CYP19A1: variants seen among roughly 807,000 people sequenced by gnomAD.
The protein encoded by CYP19A1 is cytochrome P450 family 19 subfamily A member 1.
CYP19A1 carries 32 observed loss-of-function variants against 44.4 expected under a neutral mutation model. The ratio of observed to expected loss-of-function variants is 0.72; its 90% CI spans 0.54 to 0.97. The LOEUF (loss-of-function observed/expected upper bound fraction) is 0.97, where lower values mean the gene tolerates loss of function less well. CYP19A1 is among the 50% of genes least tolerant of loss of function. CYP19A1 has a pLI of 0.00. For synonymous variants in CYP19A1, 212 were observed against 215.6 expected (o/e 0.98, Z 0.14); for missense variants, 598 against 637.8 (o/e 0.94, Z 0.67).
chr15:51,240,290 A>C (rs918522397), intron 2 of CYP19A1, among the ~76,000 whole-genome samples: 1 of 152,106 alleles, frequency 6.6e-6, no homozygotes, highest in Non-Finnish European at 1.5e-5. Context: ...CGGCTAGAAG[A>C]AGCTTAGATA....
intron 1 of CYP19A1, among the ~76,000 whole-genome samples, chr15:51,294,998 G>A (rs1355414489): frequency 1.5e-5 from 2 of 133,258 alleles, no homozygotes; most frequent in Non-Finnish European, 3.0e-5. Context: ...TCTGCCTTGG[G>A]GAAAAAAAAA....
chr15:51,241,089 A>T (rs2033735473), intron 2 of CYP19A1, among the ~76,000 whole-genome samples: 1 of 152,190 alleles, frequency 6.6e-6, no homozygotes, highest in Non-Finnish European at 1.5e-5. Context: ...GTGCTACTTG[A>T]TCTGACTGTC....
intron 4 of CYP19A1, among the ~76,000 whole-genome samples, chr15:51,224,455 A>G (rs2032405557): frequency 6.6e-6 from 1 of 152,214 alleles, no homozygotes; most frequent in African/African-American, 2.4e-5. Flanking sequence ...GTTATGTAGC[A>G]CTTTTTGTAG....
chr15:51,291,026 G>T (rs934080634), intron 1 of CYP19A1, among the ~76,000 whole-genome samples: 3 of 152,150 alleles, frequency 2.0e-5, no homozygotes, highest in Non-Finnish European at 4.4e-5. Context: ...GGGCTACCCT[G>T]GTTACCCCAT....
intron 1 of CYP19A1, among the ~76,000 whole-genome samples, chr15:51,267,587 G>A (rs1016563494): frequency 1.3e-5 from 2 of 152,226 alleles, no homozygotes; most frequent in Non-Finnish European, 2.9e-5. Context: ...GGTGTTCGCC[G>A]GGTGGGGGCC....
At chr15:51,338,383 C>A (rs1250334977) in intron 1 of CYP19A1, 112 bp downstream of exon 1, 3 of 152,214 alleles carry the variant, frequency 2.0e-5, no homozygotes, top group Non-Finnish European at 4.4e-5. Context: ...CCCCCACACA[C>A]CAAGCAGCGG....
intron 1 of CYP19A1, among the ~76,000 whole-genome samples, chr15:51,289,011 T>C (rs907905616): frequency 5.3e-5 from 8 of 152,200 alleles, no homozygotes; most frequent in African/African-American, 1.9e-4. Flanking sequence ...GATGGTGAAC[T>C]AAGTGCGGGG....
chr15:51,271,043 A>AT (rs34447493), intron 1 of CYP19A1, among the ~76,000 whole-genome samples: 45 of 148,822 alleles, frequency 3.0e-4, no homozygotes, highest in Middle Eastern at 3.4e-3. Flanking sequence ...AAGTCTAAGC[A>AT]TTTTTTTTTT....
At chr15:51,244,849 C>A (rs937910230) in intron 1 of CYP19A1, among the ~76,000 whole-genome samples, 4 of 152,174 alleles carry the variant, frequency 2.6e-5, no homozygotes, top group Admixed American at 2.0e-4. Context: ...AGGACTATGG[C>A]AATTCACTGG....
At chr15:51,289,025 G>A (rs2035780039) in intron 1 of CYP19A1, among the ~76,000 whole-genome samples, 1 of 152,286 alleles carries the variant, frequency 6.6e-6, no homozygotes, top group East Asian at 1.9e-4. Context: ...TGCGGGGTGT[G>A]GGGTCGTTCT....
At chr15:51,255,290 A>G (rs916586600) in intron 1 of CYP19A1, among the ~76,000 whole-genome samples, 2 of 152,324 alleles carry the variant, frequency 1.3e-5, no homozygotes, top group South Asian at 4.1e-4. Flanking sequence ...GTAAATTCCC[A>G]CATGGTTTCT....
At chr15:51,213,224 T>C (rs1028032606) in intron 8 of CYP19A1, among the ~76,000 whole-genome samples, 46 of 152,198 alleles carry the variant, frequency 3.0e-4, no homozygotes, top group African/African-American at 1.1e-3. Context: ...ACAAGGATGT[T>C]CTCCCCACCA....
chr15:51,283,928 G>A (rs2035614714), intron 1 of CYP19A1, among the ~76,000 whole-genome samples: 2 of 152,198 alleles, frequency 1.3e-5, no homozygotes, highest in Admixed American at 6.5e-5. Flanking sequence ...CTGTTTCCTG[G>A]GGAGCTGCCA....
intron 1 of CYP19A1, among the ~76,000 whole-genome samples, chr15:51,254,754 C>CA (rs771929337): frequency 1.1e-4 from 17 of 152,202 alleles, no homozygotes; most frequent in Non-Finnish European, 2.4e-4. Context: ...TTTATGGATG[C>CA]AATATCTGTT....
chr15:51,300,274 C>T (rs1175476299), intron 1 of CYP19A1, among the ~76,000 whole-genome samples: 1 of 152,190 alleles, frequency 6.6e-6, no homozygotes, highest in Admixed American at 6.5e-5. Flanking sequence ...CTTGTCTAGG[C>T]TCTGTGGAGT....
chr15:51,302,269 G>C (rs923067485), intron 1 of CYP19A1, among the ~76,000 whole-genome samples: 1 of 152,130 alleles, frequency 6.6e-6, no homozygotes, highest in African/African-American at 2.4e-5. Flanking sequence ...TTCACTTTTT[G>C]GGGTTTTTCC....
chr15:51,232,445 T>C (rs1261101686), intron 3 of CYP19A1, among the ~76,000 whole-genome samples: 1 of 152,192 alleles, frequency 6.6e-6, no homozygotes, highest in Admixed American at 6.5e-5. Flanking sequence ...GTTGCTAGTT[T>C]CTGACCTATT....
intron 8 of CYP19A1, among the ~76,000 whole-genome samples, chr15:51,213,156 C>T (rs1020671363): frequency 6.6e-6 from 1 of 152,134 alleles, no homozygotes; most frequent in Non-Finnish European, 1.5e-5. Context: ...AGTCATCTGC[C>T]CATACATGTC....
intron 1 of CYP19A1, among the ~76,000 whole-genome samples, chr15:51,319,492 C>G (rs1322147600): frequency 1.3e-5 from 2 of 152,098 alleles, no homozygotes; most frequent in Non-Finnish European, 2.9e-5. Flanking sequence ...AATATCTGAC[C>G]AGAGCCTGTC....
Sources: allele counts gnomAD v4.1 joint callset (sites outside exome capture counted in the v4.1 genomes callset), GRCh38; gene constraint gnomAD v4.1.1; transcripts MANE v1.5; gene names NCBI Gene and HGNC (gene_info 2026-07-23, HGNC 2026-07-21).